The following CNTNAP2 variants were observed in gnomAD, a reference collection of about 807,000 sequenced individuals.
CNTNAP2 encodes the protein contactin associated protein 2.
A neutral mutation model predicts 155.2 loss-of-function variants in CNTNAP2; 98 were observed. That is an observed-to-expected ratio of 0.63 (90% CI 0.54 to 0.75). CNTNAP2 has a LOEUF of 0.75. CNTNAP2 is among the 30% of genes least tolerant of loss of function. The pLI is 0.00. For synonymous variants in CNTNAP2, 651 were observed against 631.2 expected (o/e 1.03, Z -0.47); for missense variants, 1,727 against 1,688.1 (o/e 1.02, Z -0.40).
intron 8 of CNTNAP2, among the ~76,000 whole-genome samples, chr7:147,260,666 A>C (rs1804441289): frequency 6.6e-6 from 1 of 152,202 alleles, no homozygotes; most frequent in Admixed American, 6.5e-5. Context: ...TTCTGTGAGA[A>C]GACCTTGTAG....
intron 14 of CNTNAP2, among the ~76,000 whole-genome samples, chr7:147,922,841 AGTTT>A (rs1410787571): frequency 6.6e-6 from 1 of 152,222 alleles, no homozygotes; most frequent in African/African-American, 2.4e-5. Context: ...TGCAAAAATC[AGTTT>A]GTTTGTTGTC....
At chr7:146,515,484 CTGGTGATAGTCT>C (rs1450548704) in intron 1 of CNTNAP2, among the ~76,000 whole-genome samples, 1 of 152,042 alleles carries the variant, frequency 6.6e-6, no homozygotes, top group Non-Finnish European at 1.5e-5. Context: ...TGGGATATTA[CTGGTGATAGTCT>C]TGGTGCCAAA....
chr7:146,520,795 A>AGCGCT (rs1196009194), intron 1 of CNTNAP2, among the ~76,000 whole-genome samples: 1 of 151,918 alleles, frequency 6.6e-6, no homozygotes, highest in Middle Eastern at 3.2e-3. Context: ...ATAAAAAAGA[A>AGCGCT]ATTCTATCCT....
intron 2 of CNTNAP2, among the ~76,000 whole-genome samples, chr7:146,779,491 C>A (rs533537388): frequency 3.9e-5 from 6 of 152,174 alleles, no homozygotes; most frequent in Middle Eastern, 3.4e-3. Context: ...TTTGAATTAG[C>A]CCAATGATGG....
At chr7:146,661,386 G>A (rs1311349827) in intron 1 of CNTNAP2, among the ~76,000 whole-genome samples, 1 of 151,922 alleles carries the variant, frequency 6.6e-6, no homozygotes, top group East Asian at 1.9e-4. Context: ...ATGCAGTCAT[G>A]TAACCACTGC....
intron 16 of CNTNAP2, among the ~76,000 whole-genome samples, chr7:148,138,156 A>G (rs1312718786): frequency 6.6e-6 from 1 of 152,174 alleles, no homozygotes; most frequent in Non-Finnish European, 1.5e-5. Context: ...TAAAGCTCTC[A>G]CTAGCAAGCA....
At chr7:147,648,392 A>G (rs560029486) in intron 13 of CNTNAP2, among the ~76,000 whole-genome samples, 4 of 152,318 alleles carry the variant, frequency 2.6e-5, no homozygotes, top group South Asian at 2.1e-4. Context: ...AGTTACGCAA[A>G]GTAGATTTTA....
intron 1 of CNTNAP2, among the ~76,000 whole-genome samples, chr7:146,688,101 G>A (rs140033143): frequency 1.3e-3 from 201 of 152,278 alleles, no homozygotes; most frequent in African/African-American, 4.6e-3. Flanking sequence ...CCCACATGGA[G>A]AGGGAATCCC....
intron 1 of CNTNAP2, among the ~76,000 whole-genome samples, chr7:146,303,072 ATGTGTGTGTGTGTG>A (rs60828609): frequency 1.8e-4 from 25 of 136,492 alleles, no homozygotes; most frequent in South Asian, 4.9e-4. Flanking sequence ...CTTTGTGTGC[ATGTGTGTGTGTGTG>A]TGTGTGTGTG....
chr7:147,537,243 T>G (rs1799558704), intron 11 of CNTNAP2, among the ~76,000 whole-genome samples: 1 of 151,956 alleles, frequency 6.6e-6, no homozygotes, highest in Non-Finnish European at 1.5e-5. Flanking sequence ...TTCAAATAAG[T>G]ACATTTTTAA....
intron 13 of CNTNAP2, among the ~76,000 whole-genome samples, chr7:147,662,443 G>A (rs1045083398): frequency 6.6e-6 from 1 of 152,178 alleles, no homozygotes; most frequent in Non-Finnish European, 1.5e-5. Context: ...GGTTAGGCAG[G>A]AAATTCAGAT....
chr7:146,596,224 A>G (rs1798856333), intron 1 of CNTNAP2, among the ~76,000 whole-genome samples: 1 of 152,064 alleles, frequency 6.6e-6, no homozygotes, highest in Non-Finnish European at 1.5e-5. Flanking sequence ...ATGTAACAAT[A>G]TCATGTGGAA....
chr7:147,081,404 A>C (rs1584825273), intron 4 of CNTNAP2: 1 of 149,504 alleles, frequency 6.7e-6, no homozygotes, highest in Admixed American at 6.8e-5. Flanking sequence ...CATCACTTAA[A>C]AACTAAGAGA....
chr7:146,835,038 A>G (rs1010167489), intron 2 of CNTNAP2, among the ~76,000 whole-genome samples: 4 of 152,174 alleles, frequency 2.6e-5, no homozygotes, highest in African/African-American at 9.7e-5. Flanking sequence ...TCACTACAGT[A>G]TTCTCTCCAC....
chr7:147,621,236 G>C (rs1794844306), intron 12 of CNTNAP2, among the ~76,000 whole-genome samples: 1 of 152,066 alleles, frequency 6.6e-6, no homozygotes, highest in Non-Finnish European at 1.5e-5. Flanking sequence ...ATGCTAAAGG[G>C]AGTACTTCAG....
intron 1 of CNTNAP2, among the ~76,000 whole-genome samples, chr7:146,458,744 A>T (rs1388981354): frequency 6.6e-6 from 1 of 152,126 alleles, no homozygotes; most frequent in Non-Finnish European, 1.5e-5. Context: ...AGTAAAGTAG[A>T]TTGCCCTCCA....
intron 22 of CNTNAP2, among the ~76,000 whole-genome samples, chr7:148,403,989 T>A (rs534539855): frequency 1.1e-3 from 173 of 152,350 alleles, no homozygotes; most frequent in Admixed American, 1.9e-3. Flanking sequence ...CACTAATATA[T>A]TTTCTATATT....
chr7:147,549,765 T>C (rs564784057), intron 11 of CNTNAP2, among the ~76,000 whole-genome samples: 32 of 152,330 alleles, frequency 2.1e-4, no homozygotes, highest in African/African-American at 6.5e-4. Flanking sequence ...TCTGATATAG[T>C]AATATGTAAT....
At chr7:148,402,236 T>TA (rs1294734915) in intron 22 of CNTNAP2, among the ~76,000 whole-genome samples, 1 of 152,246 alleles carries the variant, frequency 6.6e-6, no homozygotes, top group Admixed American at 6.5e-5. Flanking sequence ...GCTGGAAATG[T>TA]AAAGCTTGTT....
Sources: allele counts gnomAD v4.1 joint callset (sites outside exome capture counted in the v4.1 genomes callset), GRCh38; gene constraint gnomAD v4.1.1; transcripts MANE v1.5; gene names NCBI Gene and HGNC (gene_info 2026-07-23, HGNC 2026-07-21).